PRR16: variants seen among roughly 807,000 people sequenced by gnomAD.
PRR16 encodes protein Largen.
In PRR16, 6 loss-of-function variants were observed where a neutral mutation model predicts 18.2. That is an observed-to-expected ratio of 0.33 (90% CI 0.18 to 0.65). The LOEUF (loss-of-function observed/expected upper bound fraction) is 0.65, where lower values mean the gene tolerates loss of function less well. Among genes scored for constraint, PRR16 ranks in the 30% least tolerant of loss-of-function variants. The probability of loss-of-function intolerance (pLI) is 0.74; values close to 1 mark genes in which losing one functional copy is unlikely to be tolerated. For synonymous variants in PRR16, 151 were observed against 147.8 expected (o/e 1.02, Z -0.16); for missense variants, 412 against 376.6 (o/e 1.09, Z -0.78).
At position 120,622,278 on chromosome 5, in the gene PRR16, G is replaced by A. The variant is rs548680426; in HGVS notation, c.160-63676G>A. Reference sequence around the variant, plus strand: ...GCACAATAAGTGTGTATGGAGTGAAGGAAGGAGATTCTACAGTTAGTTCTT... The same window carrying A: ...GCACAATAAGTGTGTATGGAGTGAAAGAAGGAGATTCTACAGTTAGTTCTT... On this transcript the variant is annotated intron_variant, in intron 1 of 1. Coordinates refer to ENST00000407149, the MANE Select transcript of PRR16 (RefSeq NM_001300783.2). 5.3e-5 allele frequency among the ~76,000 whole-genome samples: 8 copies of A among 152,116 alleles called. 1 individual carries two copies. The highest frequency in any genetic ancestry group is 3.9e-4 in the Admixed American group (6 of 15,258).
At chr5:120,605,382 T>G (rs1278089442) in intron 1 of PRR16, among the ~76,000 whole-genome samples, 2 of 152,224 alleles carry the variant, frequency 1.3e-5, no homozygotes, top group African/African-American at 2.4e-5. Flanking sequence ...CAAGTTCAGT[T>G]TGGTTCTTTC....
At chr5:120,533,429 A>G (rs1295852065) in intron 1 of PRR16, among the ~76,000 whole-genome samples, 1 of 152,190 alleles carries the variant, frequency 6.6e-6, no homozygotes, top group Non-Finnish European at 1.5e-5. Flanking sequence ...ATTTTAGAAA[A>G]TGATAAGTAC....
At chr5:120,487,254 C>T (rs190364424) in intron 1 of PRR16, among the ~76,000 whole-genome samples, 2,118 of 152,176 alleles carry the variant, frequency 0.014, 19 homozygotes, top group Middle Eastern at 0.11. Context: ...GCCATTTTGA[C>T]GATATTGATT....
chr5:120,712,408 G>C, the PRR16 span, among the ~76,000 whole-genome samples: 3 of 151,888 alleles, frequency 2.0e-5, no homozygotes, highest in South Asian at 2.1e-4. Flanking sequence ...CTGTTGTACT[G>C]TTTCTATGTA....
intron 1 of PRR16, among the ~76,000 whole-genome samples, chr5:120,521,306 A>T (rs1156240773): frequency 1.3e-5 from 2 of 152,164 alleles, no homozygotes; most frequent in Admixed American, 1.3e-4. Context: ...GATTAGAATA[A>T]TCAGAAAGAA....
chr5:120,547,839 C>T (rs1009852447), intron 1 of PRR16, among the ~76,000 whole-genome samples: 10 of 151,748 alleles, frequency 6.6e-5, no homozygotes, highest in African/African-American at 2.2e-4. Context: ...GATTAAAATG[C>T]CCAATGACTT....
At chr5:120,508,815 A>G (rs1449253603) in intron 1 of PRR16, among the ~76,000 whole-genome samples, 1 of 152,144 alleles carries the variant, frequency 6.6e-6, no homozygotes, top group Non-Finnish European at 1.5e-5. Flanking sequence ...ATACTTTATC[A>G]ACCACTGAAT....
the PRR16 span, among the ~76,000 whole-genome samples, chr5:120,776,453 T>C: frequency 2.6e-5 from 4 of 152,094 alleles, no homozygotes; most frequent in African/African-American, 9.7e-5. Context: ...TACTAAGTAA[T>C]AGAAAATCCA....
rs544902599 is a variant in PRR16 at position 120,478,379 on chromosome 5, C to T, written c.159+13734C>T. Among the ~76,000 whole-genome samples the T allele has an allele frequency of 7.2e-5, 11 of 152,254 alleles. No homozygotes were observed. The South Asian group carries it at 2.3e-3, about 32-fold the overall frequency. On this transcript the variant is annotated intron_variant, in intron 1 of 1. Coordinates refer to ENST00000407149, the MANE Select transcript of PRR16 (RefSeq NM_001300783.2). ...GTTTCTCCTACTTTGATTCCATAAT[C>T]TACTAGTTTCATTAAACTCATCTCA...
chr5:120,580,616 G>A (rs935627308), intron 1 of PRR16, among the ~76,000 whole-genome samples: 10 of 151,604 alleles, frequency 6.6e-5, no homozygotes, highest in Admixed American at 3.3e-4. Context: ...CACCACACCC[G>A]GCTAATTTTT....
chr5:120,539,050 G>A (rs564307211), intron 1 of PRR16, among the ~76,000 whole-genome samples: 1 of 152,240 alleles, frequency 6.6e-6, no homozygotes, highest in East Asian at 1.9e-4. Context: ...GGGCTCCTGA[G>A]AAAACAGAAA....
chr5:120,565,670 C>T (rs1461393268), intron 1 of PRR16, among the ~76,000 whole-genome samples: 1 of 152,146 alleles, frequency 6.6e-6, no homozygotes, highest in East Asian at 1.9e-4. Context: ...ATAAATAATA[C>T]ATGCTACTAA....
At chr5:120,601,288 T>C in intron 1 of PRR16, among the ~76,000 whole-genome samples, 1 of 151,844 alleles carries the variant, frequency 6.6e-6, no homozygotes, top group Non-Finnish European at 1.5e-5. Context: ...GAGATGATGC[T>C]TTCTTGTGGT....
intron 1 of PRR16, among the ~76,000 whole-genome samples, 151 bp downstream of exon 1, chr5:120,464,796 C>A (rs1379559353): frequency 1.3e-5 from 2 of 152,118 alleles, no homozygotes; most frequent in African/African-American, 4.8e-5. Context: ...CTCCTGGAGT[C>A]CTGAGAGGAG....
chr5:120,749,466 G>A, the PRR16 span, among the ~76,000 whole-genome samples: 5 of 152,226 alleles, frequency 3.3e-5, no homozygotes, highest in East Asian at 1.9e-4. Context: ...TTATAGAAAA[G>A]TCAAATGTAA....
the PRR16 span, among the ~76,000 whole-genome samples, chr5:120,769,951 T>C: frequency 6.6e-6 from 1 of 151,958 alleles, no homozygotes; most frequent in Non-Finnish European, 1.5e-5. Context: ...TTCATTTCTT[T>C]GATAATGAGG....
chr5:120,736,248 C>T, the PRR16 span, among the ~76,000 whole-genome samples: 307 of 152,190 alleles, frequency 2.0e-3, no homozygotes, highest in African/African-American at 7.2e-3. Flanking sequence ...AAGAAGGAAG[C>T]GTGAGACCTC....
intron 1 of PRR16, among the ~76,000 whole-genome samples, chr5:120,560,073 A>G (rs775695197): frequency 6.6e-6 from 1 of 151,976 alleles, no homozygotes; most frequent in Non-Finnish European, 1.5e-5. Flanking sequence ...AAATCATATA[A>G]TCTACAAACA....
intron 1 of PRR16, among the ~76,000 whole-genome samples, chr5:120,589,403 C>G (rs1327302208): frequency 2.0e-5 from 3 of 152,058 alleles, no homozygotes; most frequent in Non-Finnish European, 4.4e-5. Context: ...GGATAATACT[C>G]ACAAATTCTC....
Sources: gnomAD v4.1 joint callset for allele counts (sites outside exome capture counted in the v4.1 genomes callset) on GRCh38, gnomAD v4.1.1 for gene constraint, MANE v1.5 for transcripts, NCBI Gene and HGNC (gene_info 2026-07-23, HGNC 2026-07-21) for gene names.